Variants in FASTKD1 observed in about 807,000 individuals in gnomAD.
FASTKD1 encodes the protein FAST kinase domain-containing protein 1, mitochondrial.
FASTKD1 carries 94 observed loss-of-function variants against 90.9 expected under a neutral mutation model. The observed-to-expected ratio is 1.03, with a 90% CI of 0.88 to 1.23. FASTKD1 has a LOEUF of 1.23. Among genes scored for constraint, FASTKD1 ranks in the 50% most tolerant of loss-of-function variants. FASTKD1 has a pLI of 0.00. For missense variants in FASTKD1, 945 were observed against 993.5 expected (o/e 0.95, Z 0.66); for synonymous variants, 319 against 345.8 (o/e 0.92, Z 0.86).
At chr2:169,548,618 G>A (rs1685330054) in intron 7 of FASTKD1, among the ~76,000 whole-genome samples, 1 of 150,526 alleles carries the variant, frequency 6.6e-6, no homozygotes, top group Admixed American at 6.7e-5. Flanking sequence ...TGTAATCCTA[G>A]CTACTGGGGA....
At chr2:169,561,352 A>T (rs1289149792) in intron 4 of FASTKD1, among the ~76,000 whole-genome samples, 4 of 151,904 alleles carry the variant, frequency 2.6e-5, no homozygotes, top group African/African-American at 9.7e-5. Flanking sequence ...CTATAATTTA[A>T]TTTTACCAAA....
Position 169,546,569 on chromosome 2 carries a change from G to A in FASTKD1, c.1350C>T (p.Asn450=). ...EAVLPQCDLN[N]LSSFATSVLR... ...AAACAGATGTGGCAAAACTACTCAGGTTATTTAGGTCACACTGTGGTAAAA... is the reference window on the plus strand; with the variant it reads ...AAACAGATGTGGCAAAACTACTCAGATTATTTAGGTCACACTGTGGTAAAA... The change falls in exon 8 of 15, where the codon AAC becomes AAT. Residue 450 remains asparagine, a synonymous_variant. Coordinates refer to ENST00000453153, the MANE Select transcript of FASTKD1 (RefSeq NM_024622.6). 1 of 1,614,116 alleles carries A rather than the reference G, an allele frequency of 6.2e-7. No individual in the cohort carries two copies.
intron 12 of FASTKD1, among the ~76,000 whole-genome samples, chr2:169,535,457 TTTATTTA>T (rs1684687261): frequency 6.8e-5 from 7 of 102,860 alleles, no homozygotes; most frequent in African/African-American, 1.9e-4. Flanking sequence ...TATTTATTTA[TTTATTTA>T]TTATTTGTTT....
rs570914799 is a variant in FASTKD1, at chr2:169,567,772, A to T, written c.446+1412T>A. 3.3e-5 allele frequency among the ~76,000 whole-genome samples: 5 copies of T among 152,310 alleles called. No homozygotes were observed. The South Asian group carries it at 6.2e-4, about 19-fold the overall frequency. ...TCTGGTTTCCATTTGATTTAGAGGG[A>T]GAGTTGCTCTGTAGTTTTTAATATC... On this transcript the variant is annotated intron_variant, in intron 3 of 14. Coordinates refer to ENST00000453153, the MANE Select transcript of FASTKD1 (RefSeq NM_024622.6).
At position 169,546,477 on chromosome 2, in the gene FASTKD1, TGAA is replaced by T. The variant is rs777711202; in HGVS notation, c.1439_1441del (p.Leu480del). Reference sequence around the variant, plus strand: ...CTGACGACCATAGTGATCTAATTTTTGAAGTAGTTTCAGTTGTTTCGCAGTCAT... The same window carrying T: ...CTGACGACCATAGTGATCTAATTTTTGTAGTTTCAGTTGTTTCGCAGTCAT... On this transcript the variant is annotated inframe_deletion, in exon 8 of 15. Transcript: ENST00000453153. 2.5e-6 allele frequency: 4 copies of T among 1,614,094 alleles called. No homozygotes were observed.
rs1156783678 is a variant in FASTKD1 at position 169,561,992 on chromosome 2, A to G, written c.573-1207T>C. On this transcript the variant is annotated intron_variant, in intron 4 of 14. Transcript: ENST00000453153. The stretch of plus-strand genomic sequence containing the variant: ...AATTAATTATTCATTAATTTATTGT[A>G]AATTAATTATTCATTAATTTATTGT... 1.1e-4 allele frequency among the ~76,000 whole-genome samples: 13 copies of G among 122,576 alleles called. 2 individuals carry two copies. The highest frequency in any genetic ancestry group is 3.4e-4 in the African/African-American group (11 of 32,106). The allele number at this position is 122,576 out of a possible 152,430, so 80.4% of individuals were successfully genotyped here. A position where few individuals can be genotyped will look rare whatever the true frequency, so the allele number is the denominator to read the frequency against.
chr2:169,546,427 C>A lies in FASTKD1; in HGVS notation c.1492G>T (p.Asp498Tyr). The A allele has an allele frequency of 6.2e-7, 1 of 1,614,114 alleles. No individual in the cohort carries two copies. Among genetic ancestry groups the A allele is most frequent in the Non-Finnish European group, 8.5e-7 (1 of 1,180,016 alleles). ...GATTTAAGTTCCTTCCGTAACAGATCCAAACTGTTGCTGTGTTGTAGTCTC... is the reference window on the plus strand; with the variant it reads ...GATTTAAGTTCCTTCCGTAACAGATACAAACTGTTGCTGTGTTGTAGTCTC... ...RQRLQHSNSL[D>Y]LLRKELKSLK... The change falls in exon 8 of 15, where the codon GAT (aspartate) becomes TAT (tyrosine). Residue 498 changes from aspartate (D) to tyrosine (Y), a missense_variant. Physicochemically the swap from Asp to Tyr is radical, Grantham distance 160. Coordinates refer to ENST00000453153, the MANE Select transcript of FASTKD1 (RefSeq NM_024622.6).
chr2:169,533,227 A>G (rs1241282956), intron 12 of FASTKD1, among the ~76,000 whole-genome samples: 3 of 152,192 alleles, frequency 2.0e-5, no homozygotes, highest in Non-Finnish European at 2.9e-5. Context: ...TGGTTATAGG[A>G]TGATAAAGAT....
chr2:169,550,063 T>C (rs1051436599), intron 7 of FASTKD1, among the ~76,000 whole-genome samples: 1 of 152,202 alleles, frequency 6.6e-6, no homozygotes, highest in South Asian at 2.1e-4. Context: ...AGTCTTACGA[T>C]GTTTCCCAGG....
At position 169,544,766 on chromosome 2, in the gene FASTKD1, C is replaced by G; in HGVS notation, c.1771G>C (p.Asp591His). 1 of 1,612,620 alleles carries G rather than the reference C, an allele frequency of 6.2e-7. No homozygotes were observed. Residue 591 changes from aspartate (D) to histidine (H), a missense_variant, in exon 9 of 15, where the codon GAT becomes CAT. Coordinates refer to ENST00000453153, the MANE Select transcript of FASTKD1 (RefSeq NM_024622.6). Reference protein sequence around the residue: ...SVLNYDPPQRDEFLGTCVQHL... With the variant: ...SVLNYDPPQRHEFLGTCVQHL... ...TGCACGCAAGTTCCCAAAAATTCAT[C>G]CCTTTGAGGTGGATCATAGTTCAAT...
chr2:169,566,244 T>C (rs1683979492), intron 3 of FASTKD1, among the ~76,000 whole-genome samples: 1 of 152,148 alleles, frequency 6.6e-6, no homozygotes, highest in South Asian at 2.1e-4. Flanking sequence ...AAAAAGTCCT[T>C]AGAGAAACAT....
At chr2:169,565,450 G>A (rs1310558492) in intron 3 of FASTKD1, among the ~76,000 whole-genome samples, 16 of 150,454 alleles carry the variant, frequency 1.1e-4, no homozygotes, top group Non-Finnish European at 2.4e-4. Flanking sequence ...TTTTAGTAGA[G>A]ACGGAGTTTC....
chr2:169,565,785 A>C (rs1053999427), intron 3 of FASTKD1, among the ~76,000 whole-genome samples: 1 of 152,212 alleles, frequency 6.6e-6, no homozygotes, highest in African/African-American at 2.4e-5. Flanking sequence ...CATAGAGCTT[A>C]TACTAATTTA....
At chr2:169,562,054 T>C (rs1262819319) in intron 4 of FASTKD1, among the ~76,000 whole-genome samples, 1 of 129,452 alleles carries the variant, frequency 7.7e-6, no homozygotes, top group African/African-American at 2.9e-5. Flanking sequence ...AAATTAATTA[T>C]TTATTAATTT....
At position 169,560,454 on chromosome 2, in the gene FASTKD1, G is replaced by A. The variant is rs1199588714; in HGVS notation, c.904C>T (p.His302Tyr). 6.3e-7 allele frequency: 1 copy of A among 1,591,110 alleles called. No individual in the cohort carries two copies. The highest frequency in any genetic ancestry group is 1.2e-5 in the South Asian group (1 of 85,984). ...AACAATTTTACAAAGCTAGCAGGAT[G>A]ATTACACAGAGGAATCATTTCAGTT... is the stretch of plus-strand genomic sequence containing the variant. ...KLTEMIPLCN[H>Y]PASFVKLFVA... The change falls in exon 5 of 15, where the codon CAT becomes TAT. Residue 302 changes from histidine (H) to tyrosine (Y), a missense_variant. Physicochemically the swap from His to Tyr is moderately conservative, Grantham distance 83. Coordinates refer to ENST00000453153, the MANE Select transcript of FASTKD1 (RefSeq NM_024622.6).
Position 169,529,295 on chromosome 2 carries a change from C to T in FASTKD1, c.*530G>A, listed in dbSNP as rs1684378292. On this transcript the variant is annotated 3_prime_UTR_variant, in exon 15 of 15. Transcript: ENST00000453153. ...GACAAAAACTTAGAATTATCCTTGA[C>T]TCCTATTTGTCTCATACCTCATATC... Among the ~76,000 whole-genome samples, 1 of 152,000 alleles carries T rather than the reference C, an allele frequency of 6.6e-6. No individual in the cohort carries two copies.
Position 169,561,974 on chromosome 2 carries a change from TATTC to T in FASTKD1, c.573-1193_573-1190del, listed in dbSNP as rs1454193941. Among the ~76,000 whole-genome samples the T allele has an allele frequency of 1.8e-3, 221 of 124,192 alleles. 9 individuals carry two copies. Among genetic ancestry groups the T allele is most frequent in the African/African-American group, 5.6e-3 (177 of 31,368 alleles). The allele number at this position is 124,192 out of a possible 152,430, so 81.5% of individuals were successfully genotyped here. A position where few individuals can be genotyped will look rare whatever the true frequency, so the allele number is the denominator to read the frequency against. On this transcript the variant is annotated intron_variant, in intron 4 of 14. Transcript: ENST00000453153. Reference sequence around the variant, plus strand: ...AATTATTAATTTATTGTAAATTAATTATTCATTAATTTATTGTAAATTAATTATT... The same window carrying T: ...AATTATTAATTTATTGTAAATTAATTATTAATTTATTGTAAATTAATTATT...
intron 9 of FASTKD1, among the ~76,000 whole-genome samples, chr2:169,544,187 C>A (rs1559143370): frequency 6.6e-6 from 1 of 151,122 alleles, no homozygotes; most frequent in African/African-American, 2.4e-5. Flanking sequence ...AAAATGTTAA[C>A]ATTATTGAAT....
chr2:169,569,946 A>G (rs1684157870), intron 2 of FASTKD1, among the ~76,000 whole-genome samples: 1 of 152,212 alleles, frequency 6.6e-6, no homozygotes, highest in African/African-American at 2.4e-5. Flanking sequence ...AACTTTAAGC[A>G]TCCCCTTCAA....
Sources: allele counts gnomAD v4.1 joint callset (sites outside exome capture counted in the v4.1 genomes callset), GRCh38; gene constraint gnomAD v4.1.1; transcripts MANE v1.5; gene names NCBI Gene and HGNC (gene_info 2026-07-23, HGNC 2026-07-21).